Variants in ZNF564 observed in about 807,000 individuals in gnomAD.
ZNF564 encodes zinc finger protein 564.
Under a neutral mutation model 10.5 loss-of-function variants are expected in ZNF564, and 5 were observed. The observed-to-expected ratio is 0.48, with a 90% CI of 0.25 to 1.00. The LOEUF is 1.00. Among genes scored for constraint, ZNF564 ranks in the 50% least tolerant of loss-of-function variants. The pLI, the probability that ZNF564 is intolerant of heterozygous loss-of-function variation, is 0.16. For missense variants in ZNF564, 603 were observed against 669.7 expected, an observed-to-expected ratio of 0.90 and a Z score of 1.10; for synonymous variants, 242 against 218.1, an observed-to-expected ratio of 1.11 and a Z score of -0.97.
rs749170416 is a variant in ZNF564 at position 12,527,406 on chromosome 19, G to A, written c.702C>T (p.Phe234=). 6.2e-6 allele frequency: 10 copies of A among 1,613,968 alleles called. No individual in the cohort carries two copies. The highest frequency in any genetic ancestry group is 1.3e-5 in the African/African-American group (1 of 74,900). The change falls in exon 4 of 4, where the codon TTC becomes TTT. Residue 234 remains phenylalanine, a synonymous_variant. Coordinates refer to ENST00000339282, the MANE Select transcript of ZNF564 (RefSeq NM_144976.4). The part of the protein sequence containing the change: ...PYECQECAKA[F]ISLPSFQRHM... The stretch of plus-strand genomic sequence containing the variant: ...GTCTTTGAAAACTTGGAAGAGAAAT[G>A]AAAGCTTTTGCACATTCCTGACATT...
At chr19:12,541,066 CAAAAAAAAAA>C (rs35848835) in intron 1 of ZNF564, among the ~76,000 whole-genome samples, 2 of 59,736 alleles carry the variant, frequency 3.3e-5, no homozygotes, top group East Asian at 7.5e-4. Context: ...CCTGTCTCTA[CAAAAAAAAAA>C]AAAAAAAAAA....
intron 1 of ZNF564, among the ~76,000 whole-genome samples, chr19:12,532,562 A>ATT (rs1555697077): frequency 1.4e-5 from 2 of 143,654 alleles, no homozygotes; most frequent in African/African-American, 5.1e-5. Flanking sequence ...AAAAAAAAAA[A>ATT]TTTTTTTTTT....
chr19:12,543,761 T>C (rs1317758279), intron 1 of ZNF564, among the ~76,000 whole-genome samples: 3 of 147,574 alleles, frequency 2.0e-5, no homozygotes, highest in Non-Finnish European at 4.5e-5. Context: ...TGTTAGAAAA[T>C]GTTACAGCCT....
intron 1 of ZNF564, among the ~76,000 whole-genome samples, chr19:12,537,738 CAAAAAAAAAAAAAAAGAAA>C (rs1877469580): frequency 8.7e-6 from 1 of 114,558 alleles, no homozygotes; most frequent in Non-Finnish European, 1.7e-5. Context: ...AACTCCGTCT[CAAAAAAAAAAAAAAAGAAA>C]AAAAAGAAAA....
chr19:12,540,148 A>G (rs2022013814), intron 1 of ZNF564, among the ~76,000 whole-genome samples: 5 of 152,198 alleles, frequency 3.3e-5, no homozygotes, highest in Admixed American at 2.6e-4. Flanking sequence ...AAATTATCTT[A>G]TAATCTATAA....
At chr19:12,536,011 CA>C (rs5827154) in intron 1 of ZNF564, among the ~76,000 whole-genome samples, 58,565 of 110,520 alleles carry the variant, frequency 0.53, 12,173 homozygotes, top group Admixed American at 0.62. Context: ...GACTCCGTCT[CA>C]AAAAAAAAAA....
intron 1 of ZNF564, among the ~76,000 whole-genome samples, chr19:12,538,461 TA>T (rs1346393995): frequency 6.6e-6 from 1 of 151,864 alleles, no homozygotes; most frequent in Admixed American, 6.6e-5. Context: ...CCATCTCTAC[TA>T]AAAATACAAA....
chr19:12,543,811 C>G (rs2022104495), intron 1 of ZNF564, among the ~76,000 whole-genome samples: 1 of 151,808 alleles, frequency 6.6e-6, no homozygotes, highest in African/African-American at 2.4e-5. Context: ...TACTGAAATT[C>G]TAACTCCTAA....
chr19:12,550,021 G>C (rs986380227), intron 1 of ZNF564, among the ~76,000 whole-genome samples: 1 of 152,202 alleles, frequency 6.6e-6, no homozygotes, highest in Admixed American at 6.5e-5. Context: ...GGCCGGGCGC[G>C]GTGGCTCACG....
In ZNF564 at chr19:12,539,538, C is replaced by T. The variant is rs1210495938; in HGVS notation, c.4-10842G>A. 4.1e-5 allele frequency among the ~76,000 whole-genome samples: 6 copies of T among 147,572 alleles called. No individual in the cohort carries two copies. The South Asian group carries it at 1.1e-3, about 26-fold the overall frequency. ...AAAAAAAGAGTAGGGCAAGGTGGCACGTACCTGTAGTCCCAGTTACTTGGG... is the reference window on the plus strand; with the variant it reads ...AAAAAAAGAGTAGGGCAAGGTGGCATGTACCTGTAGTCCCAGTTACTTGGG... On this transcript the variant is annotated intron_variant, in intron 1 of 3. Transcript: ENST00000339282.
Position 12,526,742 on chromosome 19 carries a change from T to C in ZNF564, c.1366A>G (p.Lys456Glu). 6.2e-7 allele frequency: 1 copy of C among 1,614,230 alleles called. No homozygotes were observed. The highest frequency in any genetic ancestry group is 8.5e-7 in the Non-Finnish European group (1 of 1,180,048). ...ACAGAACTAGGACAGTCAAAGGCTT[T>C]ACCACATACCTGACATTTATAAGGT... ...DGPYKCQVCG[K>E]AFDCPSSVRT... Residue 456 changes from lysine (K) to glutamate (E), a missense_variant, in exon 4 of 4, where the codon AAA (lysine) becomes GAA (glutamate). Physicochemically the swap from Lys to Glu is moderately conservative, Grantham distance 56. Coordinates refer to ENST00000339282, the MANE Select transcript of ZNF564 (RefSeq NM_144976.4).
intron 1 of ZNF564, chr19:12,548,611 A>G (rs958353205): frequency 1.8e-6 from 1 of 542,508 alleles, no homozygotes; most frequent in African/African-American, 1.9e-5. Context: ...TGGTGCTGGG[A>G]TAACAGGCGT....
At chr19:12,528,006 AG>A in intron 3 of ZNF564, 90 bp from the exon 4 acceptor site, 1 of 1,415,132 alleles carries the variant, frequency 7.1e-7, no homozygotes, top group Non-Finnish European at 9.6e-7. Flanking sequence ...AATCGCGGAA[AG>A]GGTAAGTTTT....
At chr19:12,551,178 G>A (rs1206884547) in intron 1 of ZNF564, 152 bp downstream of exon 1, 2 of 882,728 alleles carry the variant, frequency 2.3e-6, no homozygotes, top group African/African-American at 3.4e-5. Context: ...CCACCCTGCG[G>A]CCGAGGGGAC....
chr19:12,528,834 C>A, intron 1 of ZNF564, 138 bp from the exon 2 acceptor site: 1 of 908,090 alleles, frequency 1.1e-6, no homozygotes, highest in Non-Finnish European at 1.6e-6. Flanking sequence ...GAGGCCAAGG[C>A]ATACAGATCA....
intron 1 of ZNF564, among the ~76,000 whole-genome samples, chr19:12,529,437 C>T (rs576418736): frequency 5.4e-4 from 82 of 152,008 alleles, no homozygotes; most frequent in South Asian, 5.0e-3. Flanking sequence ...AACCCCGTCT[C>T]TACCAAAAAT....
Position 12,526,519 on chromosome 19 carries a change from T to C in ZNF564, c.1589A>G (p.Asp530Gly), listed in dbSNP as rs754880512. 6.8e-6 allele frequency: 11 copies of C among 1,611,754 alleles called. No homozygotes were observed. In the Admixed American group the frequency reaches 1.5e-4, roughly 22 times the overall value. The change falls in exon 4 of 4, where the codon GAT becomes GGT. Residue 530 changes from aspartate (D) to glycine (G), a missense_variant. Physicochemically the swap from Asp to Gly is moderately conservative, Grantham distance 94 (BLOSUM62 -1). Transcript: ENST00000339282. ...FQRHERAHNG[D>G]KPYVKNVGKL... ...TCCCACATTCTTTACGTAAGGTTTA[T>C]CTCCATTATGAGCTCTTTCATGTCT...
At chr19:12,549,630 T>C (rs1038964658) in intron 1 of ZNF564, among the ~76,000 whole-genome samples, 1 of 152,170 alleles carries the variant, frequency 6.6e-6, no homozygotes, top group Non-Finnish European at 1.5e-5. Flanking sequence ...AATGTGTCCC[T>C]AAGGAACGGA....
Position 12,526,468 on chromosome 19 carries a change from GA to G in ZNF564, c.1639del (p.Ser547ArgfsTer19), listed in dbSNP as rs746467692. 6.2e-7 allele frequency: 1 copy of G among 1,600,262 alleles called. No homozygotes were observed. The highest frequency in any genetic ancestry group is 1.1e-5 in the South Asian group (1 of 88,710). On this transcript the variant is annotated frameshift_variant, in exon 4 of 4. Coordinates refer to ENST00000339282, the MANE Select transcript of ZNF564 (RefSeq NM_144976.4). LOFTEE classifies it low-confidence loss of function (END_TRUNC). The part of the protein sequence containing the change: ...VGKLSFITQP[S>X]NTCENE ...CCACTATTCATTTTCACAGGTATTC[GA>G]AGGTTGTGTGATAAATGAAAGCTTT...
Sources: gnomAD v4.1 joint callset for allele counts (sites outside exome capture counted in the v4.1 genomes callset) on GRCh38, gnomAD v4.1.1 for gene constraint, MANE v1.5 for transcripts, NCBI Gene and HGNC (gene_info 2026-07-23, HGNC 2026-07-21) for gene names.